The following LHFPL6 variants were observed in gnomAD, a reference collection of about 807,000 sequenced individuals.
LHFPL6 encodes LHFPL tetraspan subfamily member 6.
A neutral mutation model predicts 20.6 loss-of-function variants in LHFPL6; 9 were observed. That is an observed-to-expected ratio of 0.44 (90% CI 0.26 to 0.76). LHFPL6 has a LOEUF of 0.76. LHFPL6 is among the 30% of genes least tolerant of loss of function. The pLI is 0.20. For missense variants in LHFPL6, 218 were observed against 253.5 expected, an observed-to-expected ratio of 0.86 and a Z score of 0.95; for synonymous variants, 105 against 98.7, an observed-to-expected ratio of 1.06 and a Z score of -0.38.
At chr13:39,572,521 A>T (rs1871959583) in intron 2 of LHFPL6, among the ~76,000 whole-genome samples, 1 of 152,186 alleles carries the variant, frequency 6.6e-6, no homozygotes, top group Non-Finnish European at 1.5e-5. Context: ...TCTCTTTAAG[A>T]AGTAAAAGCT....
rs191718892 is a variant in LHFPL6 at position 39,529,048 on chromosome 13, C to T, written c.385+71784G>A. On this transcript the variant is annotated intron_variant, in intron 2 of 3. Coordinates refer to ENST00000379589, the MANE Select transcript of LHFPL6 (RefSeq NM_005780.3). ...GACCCACTGTGCAGAGATACCACTG[C>T]CAAAAAATAATGTACAAAATTCATG... Among the ~76,000 whole-genome samples, 3 of 152,134 alleles carry T rather than the reference C, an allele frequency of 2.0e-5. No individual in the cohort carries two copies. The East Asian group carries it at 5.8e-4, about 29-fold the overall frequency.
At chr13:39,562,417 C>CATATACATATATACATATATACATAT (rs1871525883) in intron 2 of LHFPL6, among the ~76,000 whole-genome samples, 2 of 57,900 alleles carry the variant, frequency 3.5e-5, no homozygotes, top group African/African-American at 1.0e-4. Flanking sequence ...CACATATACA[C>CATATACATATATACATATATACATAT]ATATACATAT....
At chr13:39,381,222 C>T (rs764820764) in intron 2 of LHFPL6, among the ~76,000 whole-genome samples, 3 of 152,040 alleles carry the variant, frequency 2.0e-5, no homozygotes, top group Admixed American at 6.6e-5. Flanking sequence ...ATGTTCATTA[C>T]GAGTAAAAAC....
At chr13:39,428,814 A>T (rs1236536009) in intron 2 of LHFPL6, among the ~76,000 whole-genome samples, 1 of 152,094 alleles carries the variant, frequency 6.6e-6, no homozygotes, top group African/African-American at 2.4e-5. Flanking sequence ...TTTAGACTGA[A>T]TTTCCCTCTA....
chr13:39,566,953 T>G (rs759360798), intron 2 of LHFPL6, among the ~76,000 whole-genome samples: 1 of 151,768 alleles, frequency 6.6e-6, no homozygotes, highest in Non-Finnish European at 1.5e-5. Context: ...CCTCCCAGAA[T>G]AGTGAGAAAA....
At chr13:39,482,106 G>A (rs1475877109) in intron 2 of LHFPL6, among the ~76,000 whole-genome samples, 1 of 152,162 alleles carries the variant, frequency 6.6e-6, no homozygotes, top group East Asian at 1.9e-4. Flanking sequence ...GCGAATTATT[G>A]TCATATGGAT....
intron 2 of LHFPL6, among the ~76,000 whole-genome samples, chr13:39,382,796 C>T (rs1176825634): frequency 6.6e-6 from 1 of 152,126 alleles, no homozygotes; most frequent in Non-Finnish European, 1.5e-5. Context: ...CATATGCTCA[C>T]ATGTTTAAAA....
chr13:39,349,088 C>T (rs979951503), intron 3 of LHFPL6, among the ~76,000 whole-genome samples: 8 of 152,066 alleles, frequency 5.3e-5, no homozygotes, highest in African/African-American at 1.9e-4. Context: ...GATTAAAATT[C>T]AACAACTGGT....
intron 2 of LHFPL6, among the ~76,000 whole-genome samples, chr13:39,500,530 T>C (rs1309153972): frequency 6.6e-6 from 1 of 152,134 alleles, no homozygotes; most frequent in African/African-American, 2.4e-5. Flanking sequence ...TCTGGCATTA[T>C]AGGCATAAGC....
At chr13:39,366,845 TA>T (rs1357270515) in intron 3 of LHFPL6, among the ~76,000 whole-genome samples, 1 of 152,214 alleles carries the variant, frequency 6.6e-6, no homozygotes, top group Non-Finnish European at 1.5e-5. Flanking sequence ...TCAAATCTTT[TA>T]TAATGGACTG....
At position 39,575,964 on chromosome 13, in the gene LHFPL6, G is replaced by A. The variant is rs538950889; in HGVS notation, c.385+24868C>T. ...GGGCCAACATTTACTTTCTATTCAG[G>A]TTTATCTACCTTGCAAGGAGCCCTA... On this transcript the variant is annotated intron_variant, in intron 2 of 3. Transcript: ENST00000379589. Among the ~76,000 whole-genome samples, 10 of 152,282 alleles carry A rather than the reference G, an allele frequency of 6.6e-5. No homozygotes were observed. In the East Asian group the frequency reaches 1.9e-3, roughly 29 times the overall value.
intron 2 of LHFPL6, among the ~76,000 whole-genome samples, chr13:39,390,911 TGCTTGAATCAG>T (rs961010084): frequency 5.9e-5 from 9 of 152,062 alleles, no homozygotes; most frequent in African/African-American, 1.9e-4. Context: ...GCAGGGGAAT[TGCTTGAATCAG>T]GAAGGTGGAG....
intron 2 of LHFPL6, among the ~76,000 whole-genome samples, chr13:39,393,523 G>A (rs1341469539): frequency 6.6e-6 from 1 of 152,122 alleles, no homozygotes; most frequent in Non-Finnish European, 1.5e-5. Context: ...AGAACAGGCT[G>A]GGAGATGGGG....
chr13:39,455,256 C>T (rs1593319101), intron 2 of LHFPL6, among the ~76,000 whole-genome samples: 1 of 152,088 alleles, frequency 6.6e-6, no homozygotes, highest in East Asian at 1.9e-4. Flanking sequence ...AGAATACTCC[C>T]CCTAAAGCAG....
intron 2 of LHFPL6, among the ~76,000 whole-genome samples, chr13:39,503,179 C>T (rs1411828959): frequency 6.6e-6 from 1 of 152,210 alleles, no homozygotes; most frequent in East Asian, 1.9e-4. Context: ...TGCTACCTGA[C>T]CCGGCACCCT....
chr13:39,420,860 T>A (rs1026698711), intron 2 of LHFPL6, among the ~76,000 whole-genome samples: 2 of 152,216 alleles, frequency 1.3e-5, no homozygotes, highest in African/African-American at 4.8e-5. Flanking sequence ...TCTCAATTTG[T>A]ACCAGAAGTC....
intron 2 of LHFPL6, among the ~76,000 whole-genome samples, chr13:39,558,039 G>A (rs551727127): frequency 4.5e-4 from 68 of 152,216 alleles, no homozygotes; most frequent in South Asian, 3.9e-3. Flanking sequence ...CTTTCCGTAC[G>A]GCCTGCAGAA....
rs9576798 is a variant in LHFPL6 at position 39,415,249 on chromosome 13, G to C, written c.386-36723C>G. 0.011 allele frequency among the ~76,000 whole-genome samples: 1,618 copies of C among 152,298 alleles called. 60 individuals are homozygous for C. The East Asian group carries it at 0.12, about 12-fold the overall frequency. On this transcript the variant is annotated intron_variant, in intron 2 of 3. Coordinates refer to ENST00000379589, the MANE Select transcript of LHFPL6 (RefSeq NM_005780.3). Reference sequence around the variant, plus strand: ...TTGTTAATTTCCAGGAACTGACACAGAACGCAGAGTGAAATAACTCAGCTG... The same window carrying C: ...TTGTTAATTTCCAGGAACTGACACACAACGCAGAGTGAAATAACTCAGCTG...
chr13:39,506,285 A>G (rs961870429), intron 2 of LHFPL6, among the ~76,000 whole-genome samples: 1 of 152,214 alleles, frequency 6.6e-6, no homozygotes, highest in Non-Finnish European at 1.5e-5. Context: ...ATGTATGTGA[A>G]AGAGCACCTG....
Sources: allele counts gnomAD v4.1 joint callset (sites outside exome capture counted in the v4.1 genomes callset), GRCh38; gene constraint gnomAD v4.1.1; transcripts MANE v1.5; gene names NCBI Gene and HGNC (gene_info 2026-07-23, HGNC 2026-07-21).